TNC: variants seen among roughly 807,000 people sequenced by gnomAD.
The protein encoded by TNC is tenascin C.
TNC carries 109 observed loss-of-function variants against 202.4 expected under a neutral mutation model. The ratio of observed to expected loss-of-function variants is 0.54; its 90% CI spans 0.46 to 0.63. TNC has a LOEUF of 0.63. Ranked by LOEUF, TNC falls within the 30% of genes least tolerant of loss-of-function variation. The pLI, the probability that TNC is intolerant of heterozygous loss-of-function variation, is 0.00. For missense variants in TNC, 2,756 were observed against 2,833.3 expected (o/e 0.97, Z 0.62); for synonymous variants, 1,007 against 1,089.7 (o/e 0.92, Z 1.50).
In TNC at chr9:115,084,220, C is replaced by T; in HGVS notation, c.2120G>A (p.Arg707Lys). 2.5e-6 allele frequency: 4 copies of T among 1,613,984 alleles called. No individual in the cohort carries two copies. The highest frequency in any genetic ancestry group is 3.4e-6 in the Non-Finnish European group (4 of 1,179,900). ...ENKKSIPVSA[R>K]VATYLPAPEG... is the part of the protein sequence containing the mutation. ...TTCTGCTCACTCACACGTGGCCACC[C>T]TGGCGCTGACAGGAATGCTCTTCTT... is the stretch of plus-strand genomic sequence containing the variant. The change falls in exon 4 of 28, where the codon AGG becomes AAG. Residue 707 changes from arginine to lysine, a missense_variant. Arg to Lys is a conservative substitution (Grantham distance 26). Transcript: ENST00000350763.
At chr9:115,107,564 C>T (rs1206565968) in intron 1 of TNC, among the ~76,000 whole-genome samples, 1 of 152,180 alleles carries the variant, frequency 6.6e-6, no homozygotes, top group Non-Finnish European at 1.5e-5. Context: ...TTTGTCATGA[C>T]AACCTGGTGA....
intron 1 of TNC, among the ~76,000 whole-genome samples, chr9:115,108,105 C>A (rs1836752232): frequency 6.6e-6 from 1 of 152,166 alleles, no homozygotes; most frequent in South Asian, 2.1e-4. Context: ...AGGATGACAT[C>A]CTGCTTGTCT....
At chr9:115,036,275 C>T (rs576865133) in intron 20 of TNC, 34 bp from the exon 21 acceptor site, 51 of 1,609,328 alleles carry the variant, frequency 3.2e-5, no homozygotes, top group Middle Eastern at 3.3e-4. Context: ...AGGCAGTCAC[C>T]TCTCACTGTC....
chr9:115,057,655 T>G (rs566971211), intron 14 of TNC, among the ~76,000 whole-genome samples: 1 of 152,250 alleles, frequency 6.6e-6, no homozygotes, highest in African/African-American at 2.4e-5. Flanking sequence ...TTTCTCTACA[T>G]GCAGTTGCCA....
intron 1 of TNC, chr9:115,115,162 T>C (rs1837371155): frequency 6.6e-6 from 1 of 152,018 alleles, no homozygotes. Flanking sequence ...TTAGAAAGGG[T>C]AGGATTAAGG....
At chr9:115,047,347 C>A (rs1471858074) in intron 16 of TNC, among the ~76,000 whole-genome samples, 1 of 151,192 alleles carries the variant, frequency 6.6e-6, no homozygotes, top group East Asian at 1.9e-4. Flanking sequence ...TACTGTGGAC[C>A]CAGGGTTTCA....
chr9:115,102,032 T>C (rs1023107242), intron 1 of TNC, among the ~76,000 whole-genome samples: 3 of 152,190 alleles, frequency 2.0e-5, no homozygotes, highest in African/African-American at 7.2e-5. Context: ...GCATTTTACA[T>C]TTCCAATTTC....
At chr9:115,078,759 C>T (rs1834074831) in intron 6 of TNC, among the ~76,000 whole-genome samples, 1 of 152,178 alleles carries the variant, frequency 6.6e-6, no homozygotes, top group Non-Finnish European at 1.5e-5. Flanking sequence ...CTATTTCAAG[C>T]CTTGCCTGTT....
chr9:115,070,300 C>T (rs567376146), intron 10 of TNC, among the ~76,000 whole-genome samples: 12 of 152,258 alleles, frequency 7.9e-5, no homozygotes, highest in East Asian at 5.8e-4. Context: ...TGAGGGAGCA[C>T]GCTCTGTGAA....
At chr9:115,071,769 G>A (rs1297984191) in intron 10 of TNC, among the ~76,000 whole-genome samples, 4 of 152,166 alleles carry the variant, frequency 2.6e-5, no homozygotes, top group East Asian at 1.9e-4. Flanking sequence ...AGAAAGAAAA[G>A]AGAGGGATTT....
At chr9:115,078,984 C>A (rs1043177602) in intron 6 of TNC, among the ~76,000 whole-genome samples, 1 of 152,208 alleles carries the variant, frequency 6.6e-6, no homozygotes, top group Non-Finnish European at 1.5e-5. Context: ...TAATGAGAAG[C>A]CTTTTTTTAA....
At chr9:115,034,269 T>TG (rs149082157) in intron 22 of TNC, among the ~76,000 whole-genome samples, 3,197 of 152,334 alleles carry the variant, frequency 0.021, 45 homozygotes, top group Non-Finnish European at 0.028. Context: ...CACTGTTATT[T>TG]GGGGGTCCCC....
chr9:115,062,845 G>A (rs1373156289), intron 13 of TNC, 72 bp downstream of exon 13: 19 of 1,523,234 alleles, frequency 1.2e-5, no homozygotes, highest in South Asian at 3.8e-5. Context: ...TCTGCCACAC[G>A]GGTGAATTTT....
intron 1 of TNC, among the ~76,000 whole-genome samples, chr9:115,110,523 A>T (rs1836959733): frequency 6.6e-6 from 1 of 152,092 alleles, no homozygotes; most frequent in Non-Finnish European, 1.5e-5. Context: ...TGATCAAGAA[A>T]GTGGGGAGGC....
intron 1 of TNC, among the ~76,000 whole-genome samples, chr9:115,111,132 G>C (rs532807259): frequency 1.8e-4 from 28 of 152,218 alleles, no homozygotes; most frequent in Non-Finnish European, 3.8e-4. Context: ...CTGAAGGGTT[G>C]AGTGAACTTG....
At chr9:115,112,477 A>G (rs1353650766) in intron 1 of TNC, 2 of 152,212 alleles carry the variant, frequency 1.3e-5, no homozygotes, top group Non-Finnish European at 2.9e-5. Context: ...CTGTCTCTCC[A>G]CAGCAGCCCC....
chr9:115,110,192 G>A (rs372046706), intron 1 of TNC, among the ~76,000 whole-genome samples: 7 of 152,172 alleles, frequency 4.6e-5, no homozygotes, highest in East Asian at 3.8e-4. Flanking sequence ...TTCTAGGCAC[G>A]AGGGAATGGC....
intron 10 of TNC, among the ~76,000 whole-genome samples, chr9:115,070,591 A>G (rs1263753464): frequency 6.6e-6 from 1 of 152,220 alleles, no homozygotes; most frequent in Non-Finnish European, 1.5e-5. Context: ...AAAGACTTAC[A>G]TTATGGCCCA....
chr9:115,106,739 A>G (rs1408662104), intron 1 of TNC, among the ~76,000 whole-genome samples: 2 of 152,204 alleles, frequency 1.3e-5, no homozygotes, highest in African/African-American at 2.4e-5. Context: ...ACTATGTACT[A>G]TCTAAAAAAC....
Sources: gnomAD v4.1 joint callset for allele counts (sites outside exome capture counted in the v4.1 genomes callset) on GRCh38, gnomAD v4.1.1 for gene constraint, MANE v1.5 for transcripts, NCBI Gene and HGNC (gene_info 2026-07-23, HGNC 2026-07-21) for gene names.